Variants in ATRNL1 observed in about 807,000 individuals in gnomAD.
ATRNL1 encodes the protein attractin like 1, also known as attractin-like protein 1.
Under a neutral mutation model 182.7 loss-of-function variants are expected in ATRNL1, and 95 were observed. The ratio of observed to expected loss-of-function variants is 0.52; its 90% CI spans 0.44 to 0.62. The LOEUF (loss-of-function observed/expected upper bound fraction) is 0.62, where lower values mean the gene tolerates loss of function less well. ATRNL1 is among the 20% of genes least tolerant of loss of function. The probability of loss-of-function intolerance (pLI) is 0.00; values close to 1 mark genes in which losing one functional copy is unlikely to be tolerated. For synonymous variants in ATRNL1, 576 were observed against 568.3 expected (o/e 1.01, Z -0.19); for missense variants, 1,471 against 1,679.5 (o/e 0.88, Z 2.17).
At chr10:115,161,854 T>G (rs1433448932) in intron 6 of ATRNL1, among the ~76,000 whole-genome samples, 1 of 152,086 alleles carries the variant, frequency 6.6e-6, no homozygotes, top group Non-Finnish European at 1.5e-5. Context: ...CTTTCAGAAG[T>G]GATAGGATAA....
intron 9 of ATRNL1, among the ~76,000 whole-genome samples, chr10:115,230,841 A>ATGATTCT (rs1849893173): frequency 1.4e-5 from 2 of 147,824 alleles, no homozygotes; most frequent in African/African-American, 5.0e-5. Flanking sequence ...CAAGAATTGA[A>ATGATTCT]AAAACTAGGG....
intron 26 of ATRNL1, among the ~76,000 whole-genome samples, chr10:115,687,450 T>C (rs868914122): frequency 2.0e-5 from 3 of 152,122 alleles, no homozygotes; most frequent in Non-Finnish European, 4.4e-5. Context: ...AAGATTGCCC[T>C]CTTTTTTGAG....
chr10:115,110,332 A>G (rs1253109885), intron 1 of ATRNL1, among the ~76,000 whole-genome samples: 2 of 152,194 alleles, frequency 1.3e-5, no homozygotes, highest in African/African-American at 4.8e-5. Context: ...AAAGACTCAA[A>G]GCATAAACTG....
chr10:115,306,725 A>C (rs1394051431), intron 17 of ATRNL1, among the ~76,000 whole-genome samples: 1 of 152,000 alleles, frequency 6.6e-6, no homozygotes, highest in African/African-American at 2.4e-5. Flanking sequence ...AATATTTCTT[A>C]ACTCTGTTTG....
intron 13 of ATRNL1, among the ~76,000 whole-genome samples, chr10:115,280,211 C>A (rs1554916359): frequency 6.6e-6 from 1 of 152,086 alleles, no homozygotes. Flanking sequence ...TACAAAGGAC[C>A]AGATATTGCT....
chr10:115,821,672 C>T (rs1411244493), intron 27 of ATRNL1, among the ~76,000 whole-genome samples: 1 of 151,898 alleles, frequency 6.6e-6, no homozygotes, highest in African/African-American at 2.4e-5. Context: ...CAGCAAAGAT[C>T]AAAAAAGACA....
chr10:115,233,338 G>A (rs1379985552), intron 9 of ATRNL1, among the ~76,000 whole-genome samples: 1 of 151,894 alleles, frequency 6.6e-6, no homozygotes, highest in African/African-American at 2.4e-5. Flanking sequence ...TTCTTTTTCT[G>A]TTTATGATCT....
chr10:115,668,727 C>G (rs1861144034), intron 26 of ATRNL1, among the ~76,000 whole-genome samples: 1 of 152,086 alleles, frequency 6.6e-6, no homozygotes, highest in South Asian at 2.1e-4. Flanking sequence ...TTAAACAGGT[C>G]ACCAAGCATT....
chr10:115,870,250 A>T (rs1179592446), intron 28 of ATRNL1, among the ~76,000 whole-genome samples: 1 of 152,238 alleles, frequency 6.6e-6, no homozygotes, highest in Non-Finnish European at 1.5e-5. Context: ...TGGCAGTGGG[A>T]CATAGCAAGG....
intron 22 of ATRNL1, among the ~76,000 whole-genome samples, chr10:115,462,615 A>C (rs1847870247): frequency 6.6e-6 from 1 of 152,140 alleles, no homozygotes; most frequent in Non-Finnish European, 1.5e-5. Flanking sequence ...CATCTCAAAA[A>C]ATAAATAAAT....
At chr10:115,290,030 A>G (rs1355704730) in intron 15 of ATRNL1, among the ~76,000 whole-genome samples, 1 of 148,240 alleles carries the variant, frequency 6.7e-6, no homozygotes, top group Admixed American at 6.7e-5. Flanking sequence ...ATGTCATTCC[A>G]TTTGTTTGGA....
intron 28 of ATRNL1, among the ~76,000 whole-genome samples, chr10:115,848,798 A>G (rs1001236479): frequency 6.6e-6 from 1 of 152,124 alleles, no homozygotes; most frequent in East Asian, 1.9e-4. Context: ...TATCTATCCA[A>G]CCACTACTGG....
intron 26 of ATRNL1, among the ~76,000 whole-genome samples, chr10:115,696,727 A>T (rs1402502366): frequency 1.3e-5 from 2 of 152,134 alleles, no homozygotes; most frequent in Admixed American, 6.5e-5. Context: ...TCACACTGCT[A>T]TAAAGAACTA....
At chr10:115,125,973 G>A (rs556017372) in intron 3 of ATRNL1, among the ~76,000 whole-genome samples, 1 of 152,254 alleles carries the variant, frequency 6.6e-6, no homozygotes, top group Non-Finnish European at 1.5e-5. Flanking sequence ...GAATTTCCTG[G>A]TGTATTATAC....
At chr10:115,098,277 G>C (rs1352765118) in intron 1 of ATRNL1, among the ~76,000 whole-genome samples, 2 of 152,026 alleles carry the variant, frequency 1.3e-5, no homozygotes, top group Non-Finnish European at 2.9e-5. Flanking sequence ...CCCTTTAGCT[G>C]ATTAGACTCA....
chr10:115,621,276 T>TATATATATATAGAGAGAG (rs1268020830), intron 26 of ATRNL1, among the ~76,000 whole-genome samples: 76 of 47,546 alleles, frequency 1.6e-3, no homozygotes, highest in Non-Finnish European at 2.2e-3. Context: ...TATATATATA[T>TATATATATATAGAGAGAG]AGAGAGAGAG....
At chr10:115,779,868 C>T (rs1949219401) in intron 27 of ATRNL1, among the ~76,000 whole-genome samples, 1 of 152,172 alleles carries the variant, frequency 6.6e-6, no homozygotes, top group African/African-American at 2.4e-5. Context: ...CTTATACACA[C>T]ATGATATGTC....
intron 24 of ATRNL1, among the ~76,000 whole-genome samples, chr10:115,504,965 G>A (rs1311082703): frequency 3.9e-5 from 6 of 151,952 alleles, no homozygotes; most frequent in South Asian, 4.1e-4. Flanking sequence ...TTAATAACAT[G>A]TTTTATAACC....
chr10:115,919,499 C>T (rs1371012863), intron 28 of ATRNL1, among the ~76,000 whole-genome samples: 1 of 152,088 alleles, frequency 6.6e-6, no homozygotes, highest in African/African-American at 2.4e-5. Flanking sequence ...TCATCAAAAA[C>T]TGCAAAATTT....
Sources: allele counts gnomAD v4.1 joint callset (sites outside exome capture counted in the v4.1 genomes callset), GRCh38; gene constraint gnomAD v4.1.1; transcripts MANE v1.5; gene names NCBI Gene and HGNC (gene_info 2026-07-23, HGNC 2026-07-21).